The following ARHGAP42 variants were observed in gnomAD, a reference collection of about 807,000 sequenced individuals.
The protein encoded by ARHGAP42 is rho GTPase-activating protein 42.
Under a neutral mutation model 125.0 loss-of-function variants are expected in ARHGAP42, and 63 were observed. The observed-to-expected ratio is 0.50, with a 90% CI of 0.41 to 0.62. The LOEUF is 0.62. Ranked by LOEUF, ARHGAP42 falls within the 20% of genes least tolerant of loss-of-function variation. The pLI is 0.00. For synonymous variants in ARHGAP42, 339 were observed against 351.0 expected (o/e 0.97, Z 0.38); for missense variants, 766 against 1,024.2 (o/e 0.75, Z 3.44).
intron 17 of ARHGAP42, among the ~76,000 whole-genome samples, chr11:100,966,930 A>G (rs912936275): frequency 5.3e-5 from 8 of 152,208 alleles, no homozygotes; most frequent in African/African-American, 1.9e-4. Flanking sequence ...TAAAATGATT[A>G]ATCCTTCATT....
At chr11:100,938,299 G>A (rs189837974) in intron 8 of ARHGAP42, among the ~76,000 whole-genome samples, 10 of 152,020 alleles carry the variant, frequency 6.6e-5, no homozygotes, top group East Asian at 1.9e-4. Flanking sequence ...CATCTAATGC[G>A]TCTTCTACAG....
At chr11:100,903,746 A>ATATATATATG (rs1382120091) in intron 4 of ARHGAP42, among the ~76,000 whole-genome samples, 1 of 121,496 alleles carries the variant, frequency 8.2e-6, no homozygotes, top group South Asian at 2.7e-4. Context: ...ATATATATAT[A>ATATATATATG]TATATATATG....
intron 1 of ARHGAP42, among the ~76,000 whole-genome samples, chr11:100,702,042 T>C (rs1861406771): frequency 6.6e-6 from 1 of 151,988 alleles, no homozygotes; most frequent in African/African-American, 2.4e-5. Context: ...CCCAGCACTT[T>C]GGGAGGCCAA....
chr11:100,794,134 T>C (rs1305297499), intron 2 of ARHGAP42, among the ~76,000 whole-genome samples: 4 of 148,262 alleles, frequency 2.7e-5, no homozygotes, highest in Non-Finnish European at 4.5e-5. Flanking sequence ...GGTTTATTTG[T>C]GTTACCATTT....
chr11:100,948,787 C>T (rs781585059), intron 11 of ARHGAP42, among the ~76,000 whole-genome samples: 32 of 152,058 alleles, frequency 2.1e-4, no homozygotes, highest in Non-Finnish European at 3.8e-4. Context: ...TAAAAAATTA[C>T]TTACACTCAT....
intron 3 of ARHGAP42, among the ~76,000 whole-genome samples, chr11:100,807,857 ACT>A (rs772596836): frequency 6.6e-6 from 1 of 152,106 alleles, no homozygotes; most frequent in Admixed American, 6.6e-5. Context: ...AAATACATTT[ACT>A]CTCTGCTGTT....
chr11:100,903,123 A>ACACACACACG (rs1866602380), intron 4 of ARHGAP42, among the ~76,000 whole-genome samples: 1 of 150,280 alleles, frequency 6.7e-6, no homozygotes, highest in Admixed American at 6.6e-5. Context: ...ATGCGCACAC[A>ACACACACACG]CACACACACA....
chr11:100,770,257 A>C, intron 1 of ARHGAP42, 86 bp from the exon 2 acceptor site: 1 of 896,318 alleles, frequency 1.1e-6, no homozygotes, highest in East Asian at 2.7e-5. Context: ...ATACAAAATC[A>C]AAGTTATATA....
rs1253934754 is a variant in ARHGAP42, at chr11:100,696,448, G to T, written c.154+8616G>T. ...GGCTGACTGCAACTTCCGCCTCCCG[G>T]GTTCAAGCAATCCTCCTGTCTTAGC... is the stretch of plus-strand genomic sequence containing the variant. On this transcript the variant is annotated intron_variant, in intron 1 of 23. Coordinates refer to ENST00000298815, the MANE Select transcript of ARHGAP42 (RefSeq NM_152432.4). 2.7e-5 allele frequency among the ~76,000 whole-genome samples: 4 copies of T among 150,802 alleles called. No homozygotes were observed. The East Asian group carries it at 7.9e-4, about 30-fold the overall frequency.
rs565688118 is a variant in ARHGAP42, at chr11:100,688,741, GTATT to G, written c.154+919_154+922del. ...AAAAAATTTATTTTTATTTATTTAT[GTATT>G]TATTTATTTTCCATCTTCAAAGGAG... On this transcript the variant is annotated intron_variant, in intron 1 of 23. Transcript: ENST00000298815. 5.3e-5 allele frequency among the ~76,000 whole-genome samples: 8 copies of G among 152,216 alleles called. No individual in the cohort carries two copies. The South Asian group carries it at 6.2e-4, about 12-fold the overall frequency.
intron 3 of ARHGAP42, among the ~76,000 whole-genome samples, chr11:100,825,112 T>C (rs1181114255): frequency 6.6e-6 from 1 of 152,230 alleles, no homozygotes; most frequent in African/African-American, 2.4e-5. Flanking sequence ...TTTTCATTGA[T>C]AAAATTAACA....
intron 3 of ARHGAP42, among the ~76,000 whole-genome samples, chr11:100,849,539 T>C (rs1046316560): frequency 6.6e-6 from 1 of 152,344 alleles, no homozygotes; most frequent in South Asian, 2.1e-4. Context: ...TCATGGACTT[T>C]GTATTCTGTG....
chr11:100,725,351 A>G (rs928440252), intron 1 of ARHGAP42, among the ~76,000 whole-genome samples: 2 of 151,520 alleles, frequency 1.3e-5, no homozygotes, highest in African/African-American at 4.8e-5. Flanking sequence ...TTGTATTTTT[A>G]GTAGAGATGG....
chr11:100,833,853 A>G (rs1027020739), intron 3 of ARHGAP42, among the ~76,000 whole-genome samples: 5 of 152,200 alleles, frequency 3.3e-5, no homozygotes, highest in Admixed American at 1.3e-4. Context: ...TCTTGATGAG[A>G]GAAGTGTTAA....
chr11:100,698,883 G>A (rs1263527295), intron 1 of ARHGAP42, among the ~76,000 whole-genome samples: 2 of 152,074 alleles, frequency 1.3e-5, no homozygotes, highest in Non-Finnish European at 2.9e-5. Context: ...CTAAGAGGGA[G>A]TTTTTAAAAA....
At chr11:100,962,839 G>T (rs180919227) in intron 16 of ARHGAP42, among the ~76,000 whole-genome samples, 1 of 152,200 alleles carries the variant, frequency 6.6e-6, no homozygotes, top group East Asian at 1.9e-4. Flanking sequence ...TCGCGCCATT[G>T]CACTCCAGCC....
At chr11:100,903,709 A>AAAAAAAAAAAAATATAT (rs1332890022) in intron 4 of ARHGAP42, among the ~76,000 whole-genome samples, 1 of 63,504 alleles carries the variant, frequency 1.6e-5, no homozygotes, top group Non-Finnish European at 3.0e-5. Context: ...TGTCCCTCAA[A>AAAAAAAAAAAAATATAT]ATATATATAT....
intron 4 of ARHGAP42, among the ~76,000 whole-genome samples, chr11:100,881,218 G>C (rs1865954528): frequency 6.6e-6 from 1 of 152,082 alleles, no homozygotes; most frequent in Non-Finnish European, 1.5e-5. Flanking sequence ...TATAGATTCA[G>C]GTCCTAGATT....
At chr11:100,773,928 A>C (rs11224443) in intron 2 of ARHGAP42, among the ~76,000 whole-genome samples, 8,029 of 152,318 alleles carry the variant, frequency 0.053, 287 homozygotes, top group East Asian at 0.19. Flanking sequence ...ATTTTAAATC[A>C]GGAGACTTAT....
Sources: gnomAD v4.1 joint callset for allele counts (sites outside exome capture counted in the v4.1 genomes callset) on GRCh38, gnomAD v4.1.1 for gene constraint, MANE v1.5 for transcripts, NCBI Gene and HGNC (gene_info 2026-07-23, HGNC 2026-07-21) for gene names.